Variants in HIVEP3 observed in about 807,000 individuals in gnomAD.
The protein encoded by HIVEP3 is HIVEP zinc finger 3, also known as transcription factor HIVEP3.
HIVEP3 carries 49 observed loss-of-function variants against 152.8 expected under a neutral mutation model. The ratio of observed to expected loss-of-function variants is 0.32; its 90% CI spans 0.26 to 0.41. The LOEUF is 0.41. Among genes scored for constraint, HIVEP3 ranks in the 10% least tolerant of loss-of-function variants. The pLI, the probability that HIVEP3 is intolerant of heterozygous loss-of-function variation, is 1.00. For synonymous variants in HIVEP3, 1,269 were observed against 1,289.0 expected (o/e 0.98, Z 0.33); for missense variants, 2,790 against 3,103.3 (o/e 0.90, Z 2.40).
At chr1:41,544,839 A>T (rs1045261462) in intron 5 of HIVEP3, among the ~76,000 whole-genome samples, 15 of 115,126 alleles carry the variant, frequency 1.3e-4, no homozygotes, top group South Asian at 3.0e-4. Flanking sequence ...CATCACCACC[A>T]CCACTACCAC....
chr1:41,548,813 A>AG (rs961871453), intron 5 of HIVEP3, among the ~76,000 whole-genome samples: 17 of 152,184 alleles, frequency 1.1e-4, no homozygotes, highest in Non-Finnish European at 1.8e-4. Flanking sequence ...CTGGGATTAC[A>AG]GGAGTGCACC....
chr1:41,845,006 G>T (rs1014770868), intron 1 of HIVEP3, among the ~76,000 whole-genome samples: 1 of 152,152 alleles, frequency 6.6e-6, no homozygotes, highest in Non-Finnish European at 1.5e-5. Flanking sequence ...CCTTTGCACT[G>T]CCTCTTCCCT....
chr1:41,787,380 A>C (rs1234947178), intron 1 of HIVEP3, among the ~76,000 whole-genome samples: 2 of 152,188 alleles, frequency 1.3e-5, no homozygotes, highest in Admixed American at 1.3e-4. Context: ...CAGTTGTACC[A>C]GTTACATTTC....
intron 2 of HIVEP3, among the ~76,000 whole-genome samples, chr1:41,685,117 T>C (rs1437899548): frequency 1.3e-5 from 2 of 152,122 alleles, no homozygotes; most frequent in South Asian, 4.1e-4. Flanking sequence ...CACTGAAAAA[T>C]TGGCACTCCC....
intron 1 of HIVEP3, among the ~76,000 whole-genome samples, chr1:41,906,046 A>G (rs1260683327): frequency 6.6e-6 from 1 of 152,198 alleles, no homozygotes; most frequent in East Asian, 1.9e-4. Context: ...GCGGTGGCTC[A>G]CGCCTGTAAT....
intron 5 of HIVEP3, among the ~76,000 whole-genome samples, chr1:41,538,560 G>C (rs546017246): frequency 6.6e-6 from 1 of 152,290 alleles, no homozygotes; most frequent in Admixed American, 6.5e-5. Flanking sequence ...GAAGATGGCA[G>C]CAGCTCAGGG....
At chr1:41,977,385 G>A (rs1005230563) in intron 1 of HIVEP3, among the ~76,000 whole-genome samples, 3 of 152,108 alleles carry the variant, frequency 2.0e-5, no homozygotes, top group African/African-American at 7.2e-5. Context: ...TACCCCAGGA[G>A]AGAGGTGTGC....
At chr1:41,619,238 C>A (rs1455897168) in intron 3 of HIVEP3, among the ~76,000 whole-genome samples, 4 of 152,212 alleles carry the variant, frequency 2.6e-5, no homozygotes, top group Non-Finnish European at 4.4e-5. Flanking sequence ...CCAGCACTTG[C>A]TCCTCGCCTC....
At chr1:41,701,074 A>G (rs1006479950) in intron 1 of HIVEP3, 79 bp from the exon 2 acceptor site, 1 of 601,202 alleles carries the variant, frequency 1.7e-6, no homozygotes, top group Non-Finnish European at 2.1e-6. Flanking sequence ...AAGGCACCCA[A>G]AAATGGTGAG....
chr1:42,030,785 T>C (rs111616720), intron 1 of HIVEP3, among the ~76,000 whole-genome samples: 3 of 152,356 alleles, frequency 2.0e-5, no homozygotes, highest in African/African-American at 7.2e-5. Context: ...AGGAGGGGTG[T>C]CTAAGATATA....
At chr1:41,850,832 T>C (rs1297583206) in intron 1 of HIVEP3, among the ~76,000 whole-genome samples, 1 of 152,226 alleles carries the variant, frequency 6.6e-6, no homozygotes. Context: ...GCAGTGATGA[T>C]AGCCCACAGG....
intron 2 of HIVEP3, among the ~76,000 whole-genome samples, chr1:41,650,078 G>A (rs1450081360): frequency 6.6e-6 from 1 of 152,096 alleles, no homozygotes; most frequent in Non-Finnish European, 1.5e-5. Context: ...CTTGGAATGT[G>A]GTGGTGACAG....
At chr1:41,795,015 A>G (rs349441) in intron 1 of HIVEP3, among the ~76,000 whole-genome samples, 46,720 of 152,120 alleles carry the variant, frequency 0.31, 7,940 homozygotes, top group Middle Eastern at 0.45. Context: ...ATAACCTCAA[A>G]TGGACCTAAG....
At chr1:41,797,593 C>T (rs1010243981) in intron 1 of HIVEP3, among the ~76,000 whole-genome samples, 4 of 152,128 alleles carry the variant, frequency 2.6e-5, no homozygotes, top group South Asian at 2.1e-4. Context: ...CGTTCCACCA[C>T]GACAGCAAAA....
intron 2 of HIVEP3, among the ~76,000 whole-genome samples, chr1:41,692,083 A>G (rs1646206530): frequency 6.6e-6 from 1 of 152,122 alleles, no homozygotes; most frequent in South Asian, 2.1e-4. Context: ...ACCTCAAGTG[A>G]TCCACCTGTC....
chr1:41,905,015 G>A (rs778692552), intron 1 of HIVEP3, among the ~76,000 whole-genome samples: 5 of 152,272 alleles, frequency 3.3e-5, no homozygotes, highest in East Asian at 3.9e-4. Context: ...TTCCTTTGCC[G>A]TGTCTCTAGT....
At chr1:41,752,174 C>T (rs74975444) in intron 1 of HIVEP3, among the ~76,000 whole-genome samples, 6,639 of 152,204 alleles carry the variant, frequency 0.044, 488 homozygotes, top group African/African-American at 0.15. Context: ...CAGAATCCAA[C>T]GATCAGAGGA....
At chr1:42,004,397 A>G (rs1645446346) in intron 1 of HIVEP3, among the ~76,000 whole-genome samples, 1 of 152,208 alleles carries the variant, frequency 6.6e-6, no homozygotes, top group Admixed American at 6.5e-5. Context: ...TGGTTCTAGA[A>G]ATAAGGAAGA....
At chr1:41,672,009 C>A (rs915996856) in intron 2 of HIVEP3, among the ~76,000 whole-genome samples, 2 of 152,144 alleles carry the variant, frequency 1.3e-5, no homozygotes, top group Non-Finnish European at 2.9e-5. Flanking sequence ...TTGAGTTGGG[C>A]CACAACTCCA....
Sources: allele counts gnomAD v4.1 joint callset (sites outside exome capture counted in the v4.1 genomes callset), GRCh38; gene constraint gnomAD v4.1.1; transcripts MANE v1.5; gene names NCBI Gene and HGNC (gene_info 2026-07-23, HGNC 2026-07-21).